The following DPY19L2 variants were observed in gnomAD, a reference collection of about 807,000 sequenced individuals.
The protein encoded by DPY19L2 is dpy-19 like 2.
A neutral mutation model predicts 97.9 loss-of-function variants in DPY19L2; 34 were observed. That is an observed-to-expected ratio of 0.35 (90% CI 0.26 to 0.46). The LOEUF is 0.46. DPY19L2 is among the 20% of genes least tolerant of loss of function. DPY19L2 has a pLI of 1.00. For missense variants in DPY19L2, 623 were observed against 911.4 expected, an observed-to-expected ratio of 0.68 and a Z score of 4.07; for synonymous variants, 230 against 307.9, an observed-to-expected ratio of 0.75 and a Z score of 2.65.
chr12:63,626,527 C>T lies in DPY19L2; in HGVS notation c.804-1G>A, dbSNP rs757177262. On this transcript the variant is annotated splice_acceptor_variant, in intron 6 of 21. Coordinates refer to ENST00000324472, the MANE Select transcript of DPY19L2 (RefSeq NM_173812.5). LOFTEE classifies it high-confidence loss of function. The stretch of plus-strand genomic sequence containing the variant: ...AATAAGACCTCCCAGTTGAGTCCCA[C>T]TGTAAAAAAAAAACAAAAAAAACAG... 24 of 1,389,090 alleles carry T rather than the reference C, an allele frequency of 1.7e-5. No individual in the cohort carries two copies. The highest frequency in any genetic ancestry group is 2.1e-5 in the Non-Finnish European group (22 of 1,043,142). The allele number at this position is 1,389,090 out of a possible 1,614,324, so 86.0% of individuals were successfully genotyped here.
Position 63,619,456 on chromosome 12 carries a change from TG to T in DPY19L2, c.1054-1229del, listed in dbSNP as rs1888334783. On this transcript the variant is annotated intron_variant, in intron 9 of 21. Transcript: ENST00000324472. ...AACTATATACATTAGTAAAGAAAAA[TG>T]AAAGCCTAGTATATATCCAGAGAAT... 4.0e-5 allele frequency among the ~76,000 whole-genome samples: 6 copies of T among 150,942 alleles called. 1 individual carries two copies. The South Asian group carries it at 1.3e-3, about 32-fold the overall frequency.
intron 21 of DPY19L2, among the ~76,000 whole-genome samples, chr12:63,565,580 T>G (rs1439836774): frequency 3.3e-5 from 5 of 152,184 alleles, no homozygotes; most frequent in Non-Finnish European, 2.9e-5. Context: ...AATTTCCTTT[T>G]TCCATGTGAG....
chr12:63,605,738 A>C (rs1885929108), intron 12 of DPY19L2, among the ~76,000 whole-genome samples: 1 of 152,184 alleles, frequency 6.6e-6, no homozygotes. Context: ...ACATATCAAA[A>C]AGACATCCAG....
rs1417188200 is a variant in DPY19L2 at position 63,618,673 on chromosome 12, T to C, written c.1054-445A>G. 3.3e-5 allele frequency among the ~76,000 whole-genome samples: 5 copies of C among 152,120 alleles called. No homozygotes were observed. In the South Asian group the frequency reaches 6.2e-4, roughly 19 times the overall value. ...GGAGTTTCAAAAGGCCATACTATAA[T>C]AGTGAACCAGAAATCAAGCAGCCCT... On this transcript the variant is annotated intron_variant, in intron 9 of 21. Coordinates refer to ENST00000324472, the MANE Select transcript of DPY19L2 (RefSeq NM_173812.5).
intron 6 of DPY19L2, among the ~76,000 whole-genome samples, chr12:63,631,350 A>C (rs1259466228): frequency 6.6e-6 from 1 of 152,168 alleles, no homozygotes; most frequent in Non-Finnish European, 1.5e-5. Flanking sequence ...GAGAAGAATC[A>C]AATAGACGCA....
At position 63,559,668 on chromosome 12, in the gene DPY19L2, C is replaced by T. The variant is rs530036831; in HGVS notation, c.*844G>A. 44 of 152,294 alleles carry T rather than the reference C, an allele frequency of 2.9e-4. No individual in the cohort carries two copies. The highest frequency in any genetic ancestry group is 1.0e-3 in the African/African-American group (43 of 41,548). 9.4% of individuals were successfully genotyped at this position (152,294 alleles called of 1,614,324 possible). On this transcript the variant is annotated 3_prime_UTR_variant, in exon 22 of 22. Transcript: ENST00000324472. ...GGGCCATCAAGATGAAAAGACCTTT[C>T]CTTTATTCAAGATCTAGGATCTGAA...
chr12:63,616,807 C>T (rs1304218836), intron 11 of DPY19L2, among the ~76,000 whole-genome samples: 1 of 152,044 alleles, frequency 6.6e-6, no homozygotes, highest in African/African-American at 2.4e-5. Context: ...ACTGTCACAC[C>T]ATCGTTTGAG....
intron 12 of DPY19L2, among the ~76,000 whole-genome samples, chr12:63,601,351 T>A (rs995772699): frequency 1.5e-5 from 2 of 134,314 alleles, no homozygotes; most frequent in South Asian, 4.7e-4. Flanking sequence ...TGTTGTTGTT[T>A]ATTTTTTGAC....
chr12:63,598,999 C>T (rs2137548846), intron 13 of DPY19L2, among the ~76,000 whole-genome samples: 1 of 151,644 alleles, frequency 6.6e-6, no homozygotes, highest in Non-Finnish European at 1.5e-5. Flanking sequence ...ATGCTGGAAC[C>T]CCATCTCTAC....
chr12:63,594,551 T>A (rs897204945), intron 15 of DPY19L2, among the ~76,000 whole-genome samples: 1 of 146,346 alleles, frequency 6.8e-6, no homozygotes, highest in African/African-American at 2.6e-5. Context: ...TATGTGTGTA[T>A]GAAACCTGGC....
At chr12:63,664,344 AC>A (rs1168749468) in intron 2 of DPY19L2, among the ~76,000 whole-genome samples, 48 of 145,730 alleles carry the variant, frequency 3.3e-4, no homozygotes, top group African/African-American at 1.1e-3. Flanking sequence ...CTTAAAAAAA[AC>A]AAACAAAAAA....
chr12:63,636,151 C>T (rs1354138809), intron 6 of DPY19L2, among the ~76,000 whole-genome samples: 10 of 152,142 alleles, frequency 6.6e-5, no homozygotes, highest in African/African-American at 2.2e-4. Flanking sequence ...GAATTTTCAA[C>T]CCAGAATTTC....
intron 11 of DPY19L2, among the ~76,000 whole-genome samples, chr12:63,614,003 A>G (rs1285001615): frequency 6.6e-6 from 1 of 151,912 alleles, no homozygotes; most frequent in Non-Finnish European, 1.5e-5. Context: ...CAGCCTGGCC[A>G]ACATGGTGAC....
chr12:63,572,007 T>G (rs1438362379), intron 19 of DPY19L2, among the ~76,000 whole-genome samples: 1 of 151,904 alleles, frequency 6.6e-6, no homozygotes, highest in African/African-American at 2.4e-5. Context: ...CATCCTCCCC[T>G]CAGGAACACC....
intron 8 of DPY19L2, among the ~76,000 whole-genome samples, chr12:63,622,092 T>C (rs565898999): frequency 6.6e-6 from 1 of 152,330 alleles, no homozygotes; most frequent in Admixed American, 6.5e-5. Flanking sequence ...TGTTTACTAA[T>C]ATTATCATAA....
intron 12 of DPY19L2, among the ~76,000 whole-genome samples, chr12:63,606,493 G>T (rs1162738086): frequency 6.6e-6 from 1 of 152,030 alleles, no homozygotes; most frequent in Non-Finnish European, 1.5e-5. Context: ...ATGATCATAA[G>T]ATATTTTTCT....
chr12:63,575,398 C>T (rs1387733268), intron 19 of DPY19L2, among the ~76,000 whole-genome samples: 1 of 151,648 alleles, frequency 6.6e-6, no homozygotes, highest in Non-Finnish European at 1.5e-5. Flanking sequence ...CTCAATGATG[C>T]TTCTTAAAAA....
At position 63,668,327 on chromosome 12, in the gene DPY19L2, G is replaced by T. The variant is rs750122641; in HGVS notation, c.67C>A (p.Arg23Ser). 3 of 1,613,870 alleles carry T rather than the reference G, an allele frequency of 1.9e-6. No homozygotes were observed. In the South Asian group the frequency reaches 3.3e-5, roughly 18 times the overall value. Residue 23 changes from arginine (R) to serine (S), a missense_variant, in exon 1 of 22, where the codon CGC (arginine) becomes AGC (serine). Physicochemically the swap from Arg to Ser is moderately radical, Grantham distance 110. Coordinates refer to ENST00000324472, the MANE Select transcript of DPY19L2 (RefSeq NM_173812.5). ...GGCTCCCGGGCGAGGGAGGCCCCGC[G>T]CCGCCCCTTAGACTGGCTGCGGCCG... is the stretch of plus-strand genomic sequence containing the variant. ...SSGRSQSKGR[R>S]GASLAREPEV...
intron 16 of DPY19L2, 180 bp from the exon 17 acceptor site, chr12:63,584,016 G>C: frequency 3.6e-6 from 2 of 557,768 alleles, no homozygotes; most frequent in Non-Finnish European, 3.2e-6. Flanking sequence ...CAATTTAAAA[G>C]TCATAATTTA....
Sources: gnomAD v4.1 joint callset for allele counts (sites outside exome capture counted in the v4.1 genomes callset) on GRCh38, gnomAD v4.1.1 for gene constraint, MANE v1.5 for transcripts, NCBI Gene and HGNC (gene_info 2026-07-23, HGNC 2026-07-21) for gene names.